Variants in FHIT observed in about 807,000 individuals in gnomAD.
FHIT encodes fragile histidine triad diadenosine triphosphatase, also known as bis(5'-adenosyl)-triphosphatase.
A neutral mutation model predicts 17.9 loss-of-function variants in FHIT; 19 were observed. The ratio of observed to expected loss-of-function variants is 1.06; its 90% confidence interval spans 0.74 to 1.56. FHIT has a LOEUF of 1.56. FHIT is among the 40% of genes most tolerant of loss of function. FHIT has a pLI of 0.00. For synonymous variants in FHIT, 81 were observed against 69.7 expected (o/e 1.16, Z -0.81); for missense variants, 248 against 189.2 (o/e 1.31, Z -1.82).
At chr3:59,873,066 C>T (rs1702994013) in intron 8 of FHIT, among the ~76,000 whole-genome samples, 1 of 152,190 alleles carries the variant, frequency 6.6e-6, no homozygotes, top group Non-Finnish European at 1.5e-5. Flanking sequence ...ATATTTTTGA[C>T]ACAATTCCTT....
chr3:60,393,644 A>G (rs1559878759), intron 5 of FHIT, among the ~76,000 whole-genome samples: 1 of 152,054 alleles, frequency 6.6e-6, no homozygotes, highest in Non-Finnish European at 1.5e-5. Flanking sequence ...GCTGCTCTCC[A>G]TCATATTTTA....
chr3:60,439,524 G>A (rs1336868363), intron 5 of FHIT, among the ~76,000 whole-genome samples: 4 of 152,084 alleles, frequency 2.6e-5, no homozygotes, highest in East Asian at 1.9e-4. Context: ...GTACGGCCTC[G>A]AAGGATTACA....
intron 5 of FHIT, among the ~76,000 whole-genome samples, chr3:60,033,803 T>A (rs530639132): frequency 2.6e-5 from 4 of 152,296 alleles, no homozygotes. Context: ...GGATAATGCA[T>A]TGGGTACAGT....
At chr3:61,036,901 G>GTTTTTTTTTTGTTTTTT (rs2033269178) in intron 3 of FHIT, among the ~76,000 whole-genome samples, 1 of 70,310 alleles carries the variant, frequency 1.4e-5, no homozygotes, top group African/African-American at 3.2e-5. Context: ...AGTCTGCTTT[G>GTTTTTTTTTTGTTTTTT]TTTTTTTTTT....
At chr3:60,673,679 T>TA (rs1243012590) in intron 4 of FHIT, among the ~76,000 whole-genome samples, 1 of 152,170 alleles carries the variant, frequency 6.6e-6, no homozygotes, top group Non-Finnish European at 1.5e-5. Context: ...TCCCAGAATT[T>TA]AAAATAAAAT....
intron 3 of FHIT, among the ~76,000 whole-genome samples, chr3:60,825,453 T>C (rs1223728172): frequency 6.6e-6 from 1 of 152,114 alleles, no homozygotes; most frequent in African/African-American, 2.4e-5. Flanking sequence ...AACACAATAG[T>C]ATGTATTCAT....
intron 4 of FHIT, among the ~76,000 whole-genome samples, chr3:60,542,985 C>G (rs2036234636): frequency 6.6e-6 from 1 of 152,168 alleles, no homozygotes; most frequent in Non-Finnish European, 1.5e-5. Context: ...TTCCTAGTAC[C>G]AATTCCTGGG....
At chr3:60,447,917 C>T (rs759122949) in intron 5 of FHIT, among the ~76,000 whole-genome samples, 1 of 152,168 alleles carries the variant, frequency 6.6e-6, no homozygotes, top group Non-Finnish European at 1.5e-5. Context: ...ACTGGGACTT[C>T]CAATATTCCT....
intron 8 of FHIT, among the ~76,000 whole-genome samples, chr3:59,898,781 C>T (rs886320938): frequency 4.6e-5 from 7 of 151,842 alleles, no homozygotes; most frequent in Admixed American, 2.0e-4. Context: ...GATTTCTCAC[C>T]GACATTAGTA....
Position 60,728,558 on chromosome 3 carries a change from G to C in FHIT, c.-18+93361C>G, listed in dbSNP as rs147987085. On this transcript the variant is annotated intron_variant, in intron 4 of 9. Coordinates refer to ENST00000492590, the MANE Select transcript of FHIT (RefSeq NM_002012.4). Reference sequence around the variant, plus strand: ...CCCATTAAATTCTACCTCGCAGTTTGTTTGTTTTTGTTTTATTTTGTTTTG... The same window carrying C: ...CCCATTAAATTCTACCTCGCAGTTTCTTTGTTTTTGTTTTATTTTGTTTTG... 2.8e-3 allele frequency among the ~76,000 whole-genome samples: 426 copies of C among 151,684 alleles called. 3 individuals carry two copies. Among genetic ancestry groups the C allele is most frequent in the Non-Finnish European group, 5.1e-3 (348 of 67,900 alleles).
chr3:60,561,689 T>A (rs1257910896), intron 4 of FHIT, among the ~76,000 whole-genome samples: 1 of 152,256 alleles, frequency 6.6e-6, no homozygotes, highest in South Asian at 2.1e-4. Flanking sequence ...GAGCCAGAGA[T>A]AGAAGGACTG....
intron 3 of FHIT, among the ~76,000 whole-genome samples, chr3:60,982,789 T>C (rs1710552113): frequency 6.6e-6 from 1 of 152,234 alleles, no homozygotes; most frequent in South Asian, 2.1e-4. Flanking sequence ...TTTATAAGTA[T>C]TACCATTGAA....
intron 4 of FHIT, among the ~76,000 whole-genome samples, chr3:60,807,513 G>A (rs551922279): frequency 2.2e-4 from 33 of 152,138 alleles, no homozygotes; most frequent in Non-Finnish European, 4.1e-4. Context: ...GCCAGAGCCC[G>A]GGAGGTAGAG....
At chr3:60,576,371 A>C (rs2037565480) in intron 4 of FHIT, among the ~76,000 whole-genome samples, 2 of 152,108 alleles carry the variant, frequency 1.3e-5, no homozygotes, top group South Asian at 4.1e-4. Context: ...TTTAATAAAC[A>C]CCAAGGGTAT....
chr3:61,018,073 T>C (rs2032213026), intron 3 of FHIT, among the ~76,000 whole-genome samples: 1 of 152,220 alleles, frequency 6.6e-6, no homozygotes, highest in Non-Finnish European at 1.5e-5. Context: ...CCAGGTACTA[T>C]ATATGCATGA....
intron 3 of FHIT, among the ~76,000 whole-genome samples, chr3:60,823,124 A>G (rs1701984690): frequency 6.6e-6 from 1 of 152,228 alleles, no homozygotes; most frequent in South Asian, 2.1e-4. Flanking sequence ...TATTCTCTAT[A>G]GCAGTGAACA....
At chr3:60,924,394 G>A (rs1707463141) in intron 3 of FHIT, among the ~76,000 whole-genome samples, 1 of 152,126 alleles carries the variant, frequency 6.6e-6, no homozygotes, top group Non-Finnish European at 1.5e-5. Context: ...AACATTTGCT[G>A]TTCACCAATA....
intron 4 of FHIT, among the ~76,000 whole-genome samples, chr3:60,770,948 A>C (rs1700022967): frequency 6.6e-6 from 1 of 152,220 alleles, no homozygotes; most frequent in African/African-American, 2.4e-5. Context: ...TTCAATACCC[A>C]GGCAAAGATT....
chr3:60,523,055 A>C (rs2035434399), intron 5 of FHIT, among the ~76,000 whole-genome samples: 1 of 152,174 alleles, frequency 6.6e-6, no homozygotes, highest in Non-Finnish European at 1.5e-5. Flanking sequence ...ACTCCTTATA[A>C]AAACAGCAAA....
Sources: gnomAD v4.1 joint callset for allele counts (sites outside exome capture counted in the v4.1 genomes callset) on GRCh38, gnomAD v4.1.1 for gene constraint, MANE v1.5 for transcripts, NCBI Gene and HGNC (gene_info 2026-07-23, HGNC 2026-07-21) for gene names.